The following MDGA2 variants were observed in gnomAD, a reference collection of about 807,000 sequenced individuals.
MDGA2 encodes the protein MAM domain containing glycosylphosphatidylinositol anchor 2, also known as MAM domain-containing glycosylphosphatidylinositol anchor protein 2.
Under a neutral mutation model 117.8 loss-of-function variants are expected in MDGA2, and 40 were observed. That is an observed-to-expected ratio of 0.34 (90% CI 0.26 to 0.44). MDGA2 has a LOEUF of 0.44. Ranked by LOEUF, MDGA2 falls within the 20% of genes least tolerant of loss-of-function variation. The pLI, the probability that MDGA2 is intolerant of heterozygous loss-of-function variation, is 1.00. For missense variants in MDGA2, 1,123 were observed against 1,250.6 expected, an observed-to-expected ratio of 0.90 and a Z score of 1.54; for synonymous variants, 452 against 439.0, an observed-to-expected ratio of 1.03 and a Z score of -0.37.
chr14:47,281,708 G>T (rs1243454182), intron 2 of MDGA2, among the ~76,000 whole-genome samples: 1 of 152,100 alleles, frequency 6.6e-6, no homozygotes, highest in Non-Finnish European at 1.5e-5. Flanking sequence ...GTAAAATGCT[G>T]ATTTTTGAAT....
At chr14:46,871,824 T>G in intron 14 of MDGA2, 1 of 306,822 alleles carries the variant, frequency 3.3e-6, no homozygotes, top group Non-Finnish European at 7.1e-6. Flanking sequence ...CCAGGTCTCC[T>G]GACTTCAAGT....
chr14:47,357,729 C>A (rs575090405), intron 1 of MDGA2, among the ~76,000 whole-genome samples: 112 of 152,292 alleles, frequency 7.4e-4, no homozygotes, highest in African/African-American at 2.4e-3. Flanking sequence ...AAAGTGATAG[C>A]AAACTTTGTG....
rs556257781 is a variant in MDGA2 at position 47,650,922 on chromosome 14, C to CAAT, written c.280+23592_280+23594dup. On this transcript the variant is annotated intron_variant, in intron 1 of 16. Coordinates refer to ENST00000399232, the MANE Select transcript of MDGA2 (RefSeq NM_001113498.3). ...CACTGCCACTATGACTGCTGTCACT[C>CAAT]AATGATTCACCAAAAATTGGGTAAA... Among the ~76,000 whole-genome samples the CAAT allele has an allele frequency of 1.2e-3, 177 of 152,200 alleles. 2 individuals are homozygous for CAAT. Among genetic ancestry groups the CAAT allele is most frequent in the African/African-American group, 4.1e-3 (170 of 41,516 alleles).
At chr14:47,361,037 T>C (rs529578267) in intron 1 of MDGA2, among the ~76,000 whole-genome samples, 11 of 152,080 alleles carry the variant, frequency 7.2e-5, no homozygotes, top group South Asian at 2.1e-4. Flanking sequence ...TAGTCAATCA[T>C]TGCATAATAA....
rs562519893 is a variant in MDGA2, at chr14:47,020,172, C to T, written c.1819+14839G>A. 4.6e-5 allele frequency among the ~76,000 whole-genome samples: 7 copies of T among 152,156 alleles called. No individual in the cohort carries two copies. The East Asian group carries it at 1.4e-3, about 30-fold the overall frequency. ...AATCTTTTTCCAACTATGGGAACCG[C>T]TTTATCTAACAATGAAAACGCATCA... On this transcript the variant is annotated intron_variant, in intron 8 of 16. Transcript: ENST00000399232.
At chr14:47,369,883 T>C (rs1027536725) in intron 1 of MDGA2, among the ~76,000 whole-genome samples, 1 of 152,158 alleles carries the variant, frequency 6.6e-6, no homozygotes, top group East Asian at 1.9e-4. Context: ...TTAATAGGTT[T>C]ATAATATTTT....
At chr14:47,603,300 T>G (rs1025797277) in intron 1 of MDGA2, among the ~76,000 whole-genome samples, 4 of 152,224 alleles carry the variant, frequency 2.6e-5, no homozygotes, top group Admixed American at 6.5e-5. Context: ...CTATCGGATT[T>G]CATTTGAATG....
intron 5 of MDGA2, among the ~76,000 whole-genome samples, chr14:47,107,056 C>T (rs144914940): frequency 7.8e-6 from 1 of 128,694 alleles, no homozygotes; most frequent in South Asian, 2.3e-4. Flanking sequence ...TCCACCTCTT[C>T]TATCCCCCCA....
chr14:46,967,821 G>C (rs895780549), intron 8 of MDGA2, among the ~76,000 whole-genome samples: 2 of 152,086 alleles, frequency 1.3e-5, no homozygotes, highest in Admixed American at 1.3e-4. Flanking sequence ...CACAGTAAGA[G>C]ATGGACAGCA....
intron 1 of MDGA2, among the ~76,000 whole-genome samples, chr14:47,392,594 A>G (rs891038400): frequency 6.6e-6 from 1 of 152,148 alleles, no homozygotes; most frequent in South Asian, 2.1e-4. Context: ...GAGAGACCCT[A>G]CTGAGCTGCA....
rs143197717 is a variant in MDGA2 at position 47,268,048 on chromosome 14, C to G, written c.420+33363G>C. Among the ~76,000 whole-genome samples, 52 of 151,948 alleles carry G rather than the reference C, an allele frequency of 3.4e-4. No individual in the cohort carries two copies. The East Asian group carries it at 9.3e-3, about 27-fold the overall frequency. ...CAAAGGCTACAATCTACTCATGCAG[C>G]CTCAAAACATCTTATTTCCTTTTCT... On this transcript the variant is annotated intron_variant, in intron 2 of 16. Transcript: ENST00000399232.
chr14:47,497,414 G>T (rs61450965), intron 1 of MDGA2, among the ~76,000 whole-genome samples: 4,738 of 151,902 alleles, frequency 0.031, 253 homozygotes, highest in African/African-American at 0.11. Flanking sequence ...GCACCACCAC[G>T]CCCAGCTAAT....
Position 47,022,007 on chromosome 14 carries a change from G to A in MDGA2, c.1819+13004C>T, listed in dbSNP as rs529608157. Among the ~76,000 whole-genome samples the A allele has an allele frequency of 5.3e-4, 80 of 152,170 alleles. 1 individual carries two copies. The highest frequency in any genetic ancestry group is 1.9e-3 in the African/African-American group (79 of 41,516). On this transcript the variant is annotated intron_variant, in intron 8 of 16. Coordinates refer to ENST00000399232, the MANE Select transcript of MDGA2 (RefSeq NM_001113498.3). ...GAATTGCAGTATCAAAAAACTGTAC[G>A]TGTAGAGTTATAACTTCACTGACAA...
chr14:47,583,383 C>A (rs1385474339), intron 1 of MDGA2, among the ~76,000 whole-genome samples: 4 of 151,742 alleles, frequency 2.6e-5, no homozygotes, highest in African/African-American at 7.3e-5. Context: ...GCAATATGAG[C>A]CTTTGATTCA....
chr14:47,515,463 A>G (rs1360197449), intron 1 of MDGA2, among the ~76,000 whole-genome samples: 2 of 152,172 alleles, frequency 1.3e-5, no homozygotes, highest in East Asian at 1.9e-4. Flanking sequence ...ATAGAGATCA[A>G]TGGGGCATTG....
intron 8 of MDGA2, among the ~76,000 whole-genome samples, chr14:46,965,956 T>C (rs1269497899): frequency 1.3e-5 from 2 of 151,698 alleles, no homozygotes; most frequent in Non-Finnish European, 2.9e-5. Flanking sequence ...AGTAGGTGCC[T>C]GTGTTTTGTT....
chr14:46,979,393 G>A (rs1378194654), intron 8 of MDGA2, among the ~76,000 whole-genome samples: 3 of 152,034 alleles, frequency 2.0e-5, no homozygotes, highest in African/African-American at 7.2e-5. Context: ...CACATGAAAG[G>A]AAGAGTTACA....
At chr14:47,344,176 T>C (rs1265256757) in intron 1 of MDGA2, among the ~76,000 whole-genome samples, 4 of 152,190 alleles carry the variant, frequency 2.6e-5, no homozygotes, top group Admixed American at 2.6e-4. Flanking sequence ...TTTATTTATT[T>C]ATTTCCTAAA....
chr14:47,053,237 T>C (rs1889520097), intron 7 of MDGA2, among the ~76,000 whole-genome samples: 1 of 151,914 alleles, frequency 6.6e-6, no homozygotes, highest in Non-Finnish European at 1.5e-5. Flanking sequence ...CCTTGGACAG[T>C]AATAGCTTTG....
Sources: allele counts gnomAD v4.1 joint callset (sites outside exome capture counted in the v4.1 genomes callset), GRCh38; gene constraint gnomAD v4.1.1; transcripts MANE v1.5; gene names NCBI Gene and HGNC (gene_info 2026-07-23, HGNC 2026-07-21).